Variants in MOBP observed in about 807,000 individuals in gnomAD.
The protein encoded by MOBP is myelin associated oligodendrocyte basic protein.
Under a neutral mutation model 15.0 loss-of-function variants are expected in MOBP, and 5 were observed. The observed-to-expected ratio is 0.33, with a 90% CI of 0.17 to 0.70. The LOEUF (loss-of-function observed/expected upper bound fraction) is 0.70. Ranked by LOEUF, MOBP falls within the 30% of genes least tolerant of loss-of-function variation. The pLI, the probability that MOBP is intolerant of heterozygous loss-of-function variation, is 0.67. For synonymous variants in MOBP, 88 were observed against 99.0 expected, an observed-to-expected ratio of 0.89 and a Z score of 0.66; for missense variants, 188 against 257.8, an observed-to-expected ratio of 0.73 and a Z score of 1.85.
downstream of MOBP, among the ~76,000 whole-genome samples, chr3:39,506,418 A>G (rs1244166397): frequency 6.6e-6 from 1 of 152,144 alleles, no homozygotes; most frequent in Non-Finnish European, 1.5e-5. Context: ...TGGGAGGTGA[A>G]GGGGACACTG....
chr3:39,519,794 T>C (rs575511683), downstream of MOBP, among the ~76,000 whole-genome samples: 1 of 152,082 alleles, frequency 6.6e-6, no homozygotes, highest in Non-Finnish European at 1.5e-5. Flanking sequence ...AGGTAGGGGC[T>C]GGGGCAGGAG....
At chr3:39,525,118 A>T (rs971339630), downstream of MOBP, 9 of 151,764 alleles carry the variant, frequency 5.9e-5, no homozygotes, top group African/African-American at 2.2e-4. Flanking sequence ...ATCCTTTTGG[A>T]AAAAAAAAGA....
In MOBP at chr3:39,469,028, A is replaced by ATATACATATATACATATGTGTG. The variant is rs1559411940; in HGVS notation, c.-89+1292_-89+1293insCATATATACATATGTGTGTATA. 2.4e-4 allele frequency among the ~76,000 whole-genome samples: 13 copies of ATATACATATATACATATGTGTG among 53,950 alleles called. 1 individual carries two copies. Among genetic ancestry groups the ATATACATATATACATATGTGTG allele is most frequent in the Admixed American group, 3.1e-4 (2 of 6,360 alleles). 35.4% of individuals were successfully genotyped at this position (53,950 alleles called of 152,430 possible). A position where few individuals can be genotyped will look rare whatever the true frequency, so the allele number is the denominator to read the frequency against. ...TATACATATATACATATGTGTGTAT[A>ATATACATATATACATATGTGTG]TATATACATATATACATATGTGTGT... On this transcript the variant is annotated intron_variant, in intron 1 of 3. Coordinates refer to ENST00000684792, the MANE Select transcript of MOBP (RefSeq NM_001393704.1).
At position 39,480,625 on chromosome 3, in the gene MOBP, C is replaced by A. The variant is rs1236224568; in HGVS notation, c.-5+502C>A. On this transcript the variant is annotated intron_variant, in intron 2 of 3. Transcript: ENST00000684792. Reference sequence around the variant, plus strand: ...CTGCCACCTTAGGCCACTGTGCCTTCACCCTCTAGTTAAACCTCTGCAATT... The same window carrying A: ...CTGCCACCTTAGGCCACTGTGCCTTAACCCTCTAGTTAAACCTCTGCAATT... Among the ~76,000 whole-genome samples, 3 of 152,354 alleles carry A rather than the reference C, an allele frequency of 2.0e-5. No homozygotes were observed. The East Asian group carries it at 5.8e-4, about 29-fold the overall frequency.
chr3:39,472,562 A>T (rs1313557392), intron 1 of MOBP, among the ~76,000 whole-genome samples: 1 of 152,232 alleles, frequency 6.6e-6, no homozygotes, highest in African/African-American at 2.4e-5. Context: ...AGACTACTCG[A>T]AGGATATTCC....
At chr3:39,519,892 CTT>C (rs2043245305), downstream of MOBP, among the ~76,000 whole-genome samples, 1 of 151,722 alleles carries the variant, frequency 6.6e-6, no homozygotes, top group African/African-American at 2.4e-5. Flanking sequence ...ACCTCTTTCT[CTT>C]CTTCTAACTC....
At chr3:39,504,794 A>T (rs2043028448), downstream of MOBP, among the ~76,000 whole-genome samples, 1 of 152,226 alleles carries the variant, frequency 6.6e-6, no homozygotes, top group African/African-American at 2.4e-5. Flanking sequence ...GGTTGATGTG[A>T]TGGGAAATAT....
At chr3:39,507,182 C>T (rs2043059801), downstream of MOBP, among the ~76,000 whole-genome samples, 1 of 152,202 alleles carries the variant, frequency 6.6e-6, no homozygotes, top group Non-Finnish European at 1.5e-5. Flanking sequence ...CCTATTCACT[C>T]AGCAGATCAA....
intron 1 of MOBP, among the ~76,000 whole-genome samples, chr3:39,469,164 G>GTGTGTA (rs1559412233): frequency 2.3e-5 from 1 of 43,012 alleles, no homozygotes; most frequent in Non-Finnish European, 4.0e-5. Context: ...ATGTGTGTGT[G>GTGTGTA]TATACATATA....
chr3:39,518,613 C>A (rs2043229644), downstream of MOBP, among the ~76,000 whole-genome samples: 2 of 152,168 alleles, frequency 1.3e-5, no homozygotes, highest in African/African-American at 4.8e-5. Context: ...ACTGAAAATA[C>A]TTCCCTGGCT....
rs1240846802 is a variant in MOBP, at chr3:39,468,835, GTA to G, written c.-89+1102_-89+1103del. 7.1e-5 allele frequency among the ~76,000 whole-genome samples: 8 copies of G among 112,688 alleles called. 2 individuals carry two copies. Among genetic ancestry groups the G allele is most frequent in the African/African-American group, 2.8e-4 (5 of 18,088 alleles). 73.9% of individuals were successfully genotyped at this position (112,688 alleles called of 152,430 possible). A position where few individuals can be genotyped will look rare whatever the true frequency, so the allele number is the denominator to read the frequency against. On this transcript the variant is annotated intron_variant, in intron 1 of 3. Transcript: ENST00000684792. ...GTGTGTATACATATTACATATGTGT[GTA>G]TATATACATATATACATGAGTGTGT...
downstream of MOBP, chr3:39,503,176 T>G: frequency 2.4e-6 from 1 of 409,044 alleles, no homozygotes; most frequent in Non-Finnish European, 4.3e-6. Flanking sequence ...AATAAATGAG[T>G]TCCTCAATGC....
intron 2 of MOBP, chr3:39,499,964 C>T (rs1008321923): frequency 2.2e-6 from 1 of 454,016 alleles, no homozygotes; most frequent in Non-Finnish European, 4.4e-6. Context: ...GCCCTCTCTT[C>T]TGTGGACTTT....
At chr3:39,471,788 G>A (rs1037973775) in intron 1 of MOBP, among the ~76,000 whole-genome samples, 2 of 152,116 alleles carry the variant, frequency 1.3e-5, no homozygotes. Flanking sequence ...TAGTAATTAC[G>A]CATAGAAGGA....
intron 1 of MOBP, among the ~76,000 whole-genome samples, chr3:39,475,063 G>GT (rs1447487302): frequency 6.6e-6 from 1 of 152,084 alleles, no homozygotes; most frequent in Admixed American, 6.5e-5. Context: ...TAGTTATCAG[G>GT]TCTCTTTAAT....
chr3:39,503,391 A>G (rs2043005016), downstream of MOBP, among the ~76,000 whole-genome samples: 2 of 152,068 alleles, frequency 1.3e-5, no homozygotes. Flanking sequence ...GTGCTGGGGG[A>G]AGGGAATATG....
exon 5 of MOBP, chr3:39,515,439 A>G (rs2043188874): frequency 6.6e-6 from 1 of 152,038 alleles, no homozygotes; most frequent in Non-Finnish European, 1.5e-5. Context: ...CTCCTCCCCA[A>G]CCTTTCCAGC....
intron 4 of MOBP, among the ~76,000 whole-genome samples, chr3:39,513,204 T>A (rs1467005567): frequency 6.6e-6 from 1 of 151,918 alleles, no homozygotes; most frequent in Admixed American, 6.6e-5. Context: ...AAGAAAAAAA[T>A]ATCATATTAT....
intron 2 of MOBP, among the ~76,000 whole-genome samples, chr3:39,480,587 A>C (rs1258837429): frequency 6.6e-6 from 1 of 152,178 alleles, no homozygotes; most frequent in Non-Finnish European, 1.5e-5. Context: ...GAGGGGGGTC[A>C]GTGTCTTCCC....
Sources: gnomAD v4.1 joint callset for allele counts (sites outside exome capture counted in the v4.1 genomes callset) on GRCh38, gnomAD v4.1.1 for gene constraint, MANE v1.5 for transcripts, NCBI Gene and HGNC (gene_info 2026-07-23, HGNC 2026-07-21) for gene names.